Variants in SLC2A9 observed in about 807,000 individuals in gnomAD.
The protein encoded by SLC2A9 is solute carrier family 2 member 9, also known as solute carrier family 2, facilitated glucose transporter member 9.
SLC2A9 carries 39 observed loss-of-function variants against 50.6 expected under a neutral mutation model. The ratio of observed to expected loss-of-function variants is 0.77; its 90% CI spans 0.60 to 1.01. The LOEUF is 1.01. Among genes scored for constraint, SLC2A9 ranks in the 50% least tolerant of loss-of-function variants. SLC2A9 has a pLI of 0.00. For missense variants in SLC2A9, 686 were observed against 677.6 expected (o/e 1.01, Z -0.14); for synonymous variants, 324 against 276.9 (o/e 1.17, Z -1.69).
At chr4:9,873,058 C>A (rs977599230) in intron 10 of SLC2A9, among the ~76,000 whole-genome samples, 1 of 152,168 alleles carries the variant, frequency 6.6e-6, no homozygotes, top group African/African-American at 2.4e-5. Flanking sequence ...TCCCCTATAG[C>A]CTTTTTGCAC....
chr4:9,870,484 C>T (rs775331546), intron 10 of SLC2A9, among the ~76,000 whole-genome samples: 12 of 152,172 alleles, frequency 7.9e-5, no homozygotes, highest in Admixed American at 2.0e-4. Context: ...CCCCAGCATA[C>T]GCACCAAAAC....
intron 3 of SLC2A9, among the ~76,000 whole-genome samples, chr4:9,785,767 CA>C (rs1311099907): frequency 6.6e-6 from 1 of 152,186 alleles, no homozygotes; most frequent in Non-Finnish European, 1.5e-5. Context: ...TTATGTGAGT[CA>C]GGGGAGAGAT....
chr4:10,034,802 T>C (rs1173647510), intron 1 of SLC2A9: 1 of 152,146 alleles, frequency 6.6e-6, no homozygotes, highest in Non-Finnish European at 1.5e-5. Context: ...CTCAGAGAGG[T>C]GAAGCTACTA....
In SLC2A9 at chr4:9,782,920, C is replaced by T. The variant is rs201707615; in HGVS notation, n.386-2855G>A. The stretch of plus-strand genomic sequence containing the variant: ...AGAAGGAGACCAAGGTTCTCAAGAC[C>T]CTGTCGGTGATCATGGGGGTCTTCG... On this transcript the variant is annotated intron_variant and non_coding_transcript_variant, in intron 3 of 3. Transcript: ENST00000503803. 23 of 1,613,850 alleles carry T rather than the reference C, an allele frequency of 1.4e-5. No homozygotes were observed. The Middle Eastern group carries it at 5.0e-4, about 35-fold the overall frequency.
intron 10 of SLC2A9, among the ~76,000 whole-genome samples, chr4:9,866,781 C>T (rs2109449896): frequency 6.6e-6 from 1 of 152,326 alleles, no homozygotes. Flanking sequence ...GTTGTCTCCT[C>T]ACAGCACCTA....
intron 10 of SLC2A9, among the ~76,000 whole-genome samples, chr4:9,836,458 G>A (rs1323386213): frequency 6.6e-6 from 1 of 152,152 alleles, no homozygotes; most frequent in East Asian, 1.9e-4. Context: ...GATTGAAGAC[G>A]GGAAGGTGGC....
intron 1 of SLC2A9, chr4:10,036,045 A>G: frequency 4.9e-6 from 1 of 204,526 alleles, no homozygotes; most frequent in South Asian, 9.7e-5. Context: ...TGGCCTGTCA[A>G]GGGACTTCTC....
At chr4:9,972,802 A>T (rs1754125204) in intron 5 of SLC2A9, among the ~76,000 whole-genome samples, 1 of 152,202 alleles carries the variant, frequency 6.6e-6, no homozygotes, top group African/African-American at 2.4e-5. Flanking sequence ...AAGCAGTGGT[A>T]AGAAGAATGT....
upstream of SLC2A9, among the ~76,000 whole-genome samples, chr4:10,021,663 C>T (rs114565116): frequency 0.013 from 1,930 of 150,998 alleles, 36 homozygotes; most frequent in African/African-American, 0.044. Flanking sequence ...AGGATTGCCA[C>T]CCAGGGGGTG....
chr4:9,942,241 C>T (rs1250355717), intron 5 of SLC2A9, among the ~76,000 whole-genome samples, 196 bp from the exon 6 acceptor site: 2 of 152,218 alleles, frequency 1.3e-5, no homozygotes, highest in Non-Finnish European at 2.9e-5. Context: ...ATGCATGAGT[C>T]CAGAGACTCC....
At position 9,782,112 on chromosome 4, in the gene SLC2A9, G is replaced by A. The variant is rs746235418; in HGVS notation, n.386-2047C>T. The A allele has an allele frequency of 4.2e-5, 65 of 1,545,872 alleles. No individual in the cohort carries two copies. The highest frequency in any genetic ancestry group is 5.5e-5 in the Non-Finnish European group (63 of 1,146,448). On this transcript the variant is annotated intron_variant and non_coding_transcript_variant, in intron 3 of 3. Coordinates refer to the SLC2A9 transcript ENST00000503803. The stretch of plus-strand genomic sequence containing the variant: ...CAGCTGGCGCAGGGGAACGCCGTGG[G>A]GGGCTCGGCGGGGGCACCGCCACTG...
At chr4:9,958,157 G>C (rs1578083001) in intron 5 of SLC2A9, among the ~76,000 whole-genome samples, 1 of 152,172 alleles carries the variant, frequency 6.6e-6, no homozygotes, top group Non-Finnish European at 1.5e-5. Flanking sequence ...ATTCATACAA[G>C]AGTTCTATAT....
At position 9,868,795 on chromosome 4, in the gene SLC2A9, A is replaced by AT. The variant is rs534302277; in HGVS notation, c.1291+18771dup. Among the ~76,000 whole-genome samples the AT allele has an allele frequency of 4.1e-3, 621 of 152,086 alleles. 4 individuals are homozygous for AT. The highest frequency in any genetic ancestry group is 3.7e-3 in the Non-Finnish European group (252 of 67,982). On this transcript the variant is annotated intron_variant, in intron 10 of 11. Transcript: ENST00000264784. ...CTGAAGATTTTGGAACATAATGTTTATTTTTTTTCAAGTTTGAACATTGAG... is the reference window on the plus strand; with the variant it reads ...CTGAAGATTTTGGAACATAATGTTTATTTTTTTTTCAAGTTTGAACATTGAG...
intron 3 of SLC2A9, among the ~76,000 whole-genome samples, chr4:9,821,144 T>C (rs1429144136): frequency 6.6e-6 from 1 of 152,226 alleles, no homozygotes; most frequent in East Asian, 1.9e-4. Flanking sequence ...TAGAGGGATG[T>C]TGAATTTCAT....
intron 3 of SLC2A9, chr4:9,799,281 C>T (rs1052942552): frequency 1.4e-5 from 2 of 138,648 alleles, no homozygotes; most frequent in African/African-American, 2.6e-5. Context: ...TTATAAACAA[C>T]AGACATTTAT....
intron 11 of SLC2A9, among the ~76,000 whole-genome samples, chr4:9,833,662 A>G (rs1239513867): frequency 6.6e-6 from 1 of 152,196 alleles, no homozygotes; most frequent in Non-Finnish European, 1.5e-5. Context: ...CCTTTGGCTC[A>G]CCCAAGCTGG....
At chr4:9,773,629 C>G (rs1182928395) in intron 1 of SLC2A9, among the ~76,000 whole-genome samples, 1 of 152,226 alleles carries the variant, frequency 6.6e-6, no homozygotes, top group African/African-American at 2.4e-5. Context: ...CGTTTCCTCA[C>G]TATCATCCCC....
At chr4:9,816,600 G>A (rs1252375363) in intron 3 of SLC2A9, among the ~76,000 whole-genome samples, 1 of 152,172 alleles carries the variant, frequency 6.6e-6, no homozygotes, top group Non-Finnish European at 1.5e-5. Flanking sequence ...TAGCTTGATT[G>A]TGGTGATGGT....
chr4:9,921,152 G>T (rs1009663563), intron 6 of SLC2A9, among the ~76,000 whole-genome samples: 4 of 152,094 alleles, frequency 2.6e-5, no homozygotes, highest in Admixed American at 6.6e-5. Flanking sequence ...CGACTGCAAG[G>T]CCCCTTCCAT....
Sources: allele counts gnomAD v4.1 joint callset (sites outside exome capture counted in the v4.1 genomes callset), GRCh38; gene constraint gnomAD v4.1.1; transcripts MANE v1.5; gene names NCBI Gene and HGNC (gene_info 2026-07-23, HGNC 2026-07-21).